ASPM: variants seen among roughly 807,000 people sequenced by gnomAD.
ASPM encodes the protein assembly factor for spindle microtubules.
Under a neutral mutation model 366.4 loss-of-function variants are expected in ASPM, and 256 were observed. That is an observed-to-expected ratio of 0.70 (90% CI 0.63 to 0.77). The LOEUF is 0.77. Among genes scored for constraint, ASPM ranks in the 30% least tolerant of loss-of-function variants. The probability of loss-of-function intolerance (pLI) is 0.00; values close to 1 mark genes in which losing one functional copy is unlikely to be tolerated. For synonymous variants in ASPM, 1,414 were observed against 1,342.9 expected (o/e 1.05, Z -1.16); for missense variants, 4,146 against 4,090.4 (o/e 1.01, Z -0.37).
In ASPM at chr1:197,124,688, A is replaced by AAT. The variant is rs34471103; in HGVS notation, c.3168+180_3168+181dup. Reference sequence around the variant, plus strand: ...GCAGGTGTGGTGAAGATTAGATTGAAATATATATATATATACACATATATA... The same window carrying AAT: ...GCAGGTGTGGTGAAGATTAGATTGAAATATATATATATATATACACATATATA... On this transcript the variant is annotated intron_variant, in intron 12 of 27. Transcript: ENST00000367409. Among the ~76,000 whole-genome samples the AAT allele has an allele frequency of 4.2e-3, 637 of 151,134 alleles. 7 individuals carry two copies. The highest frequency in any genetic ancestry group is 0.013 in the African/African-American group (552 of 41,130).
chr1:197,124,759 A>G, intron 12 of ASPM, 111 bp downstream of exon 12: 1 of 866,704 alleles, frequency 1.2e-6, no homozygotes, highest in Non-Finnish European at 1.9e-6. Flanking sequence ...GGGCAAAATA[A>G]ACCTTATTAA....
At position 197,088,533 on chromosome 1, in the gene ASPM, C is replaced by A. The variant is rs573165143; in HGVS notation, c.9985-101G>T. 1.6e-5 allele frequency: 18 copies of A among 1,153,678 alleles called. No homozygotes were observed. In the African/African-American group the frequency reaches 2.6e-4, roughly 17 times the overall value. 71.5% of individuals were successfully genotyped at this position (1,153,678 alleles called of 1,614,324 possible). A position where few individuals can be genotyped will look rare whatever the true frequency, so the allele number is the denominator to read the frequency against. ...ATACAAAAGTCCATACTTAGTATAGCCAAATTTTTGGACCACCTGCAGCAA... is the reference window on the plus strand; with the variant it reads ...ATACAAAAGTCCATACTTAGTATAGACAAATTTTTGGACCACCTGCAGCAA... On this transcript the variant is annotated intron_variant, in intron 25 of 27. Transcript: ENST00000367409.
At chr1:197,099,269 C>A (rs1657081408) in intron 18 of ASPM, among the ~76,000 whole-genome samples, 1 of 149,956 alleles carries the variant, frequency 6.7e-6, no homozygotes, top group Admixed American at 6.7e-5. Flanking sequence ...TCTTCTCCTG[C>A]TTAAACTCCT....
Position 197,101,573 on chromosome 1 carries a change from T to C in ASPM, c.7678A>G (p.Ile2560Val), listed in dbSNP as rs1162106898. Reference sequence around the variant, plus strand: ...CTATACATTCTGTAGGTGCTTTGTATTACGATAGAAGCTTTGTGTTTTTCC... The same window carrying C: ...CTATACATTCTGTAGGTGCTTTGTACTACGATAGAAGCTTTGTGTTTTTCC... ...LREKHKASIVIQSTYRMYRQY... is the reference protein window; with the variant it reads ...LREKHKASIVVQSTYRMYRQY... The change falls in exon 18 of 28, where the codon ATA becomes GTA. Residue 2560 changes from isoleucine to valine, a missense_variant. By Grantham distance (29) the Ile-to-Val change is conservative. Around this residue, in one of 3 missense-constraint regions of ASPM, gnomAD observed 3,624 missense variants for 3,591.7 expected, o/e 1.01. Transcript: ENST00000367409. 1 of 1,609,590 alleles carries C rather than the reference T, an allele frequency of 6.2e-7. No individual in the cohort carries two copies. The highest frequency in any genetic ancestry group is 8.5e-7 in the Non-Finnish European group (1 of 1,178,956).
At chr1:197,093,609 A>G (rs1423046546) in intron 20 of ASPM, among the ~76,000 whole-genome samples, 5 of 151,856 alleles carry the variant, frequency 3.3e-5, no homozygotes, top group African/African-American at 1.2e-4. Context: ...GTGATCATAA[A>G]TAGCTATGAC....
Position 197,142,628 on chromosome 1 carries a change from G to A in ASPM, c.1624C>T (p.His542Tyr), listed in dbSNP as rs779017532. 3.2e-5 allele frequency: 52 copies of A among 1,611,710 alleles called. No homozygotes were observed. The South Asian group carries it at 5.4e-4, about 17-fold the overall frequency. ...GGATCTATAATTGGAAGATAAGAAT[G>A]AAAATCTTCTTTTTCCTTTTGATTA... ...INNQKEKEDFHSYLPIIDPIL... is the reference protein window; with the variant it reads ...INNQKEKEDFYSYLPIIDPIL... Residue 542 changes from histidine (H) to tyrosine (Y), a missense_variant, in exon 3 of 28, where the codon CAT becomes TAT. Transcript: ENST00000367409.
chr1:197,139,264 TC>T (rs1187787405), intron 4 of ASPM: 1 of 937,736 alleles, frequency 1.1e-6, no homozygotes, highest in African/African-American at 1.7e-5. Context: ...TTACCAACTT[TC>T]ACTTCATCCA....
chr1:197,119,718 G>T (rs1657848274), intron 16 of ASPM, among the ~76,000 whole-genome samples: 1 of 151,950 alleles, frequency 6.6e-6, no homozygotes, highest in South Asian at 2.1e-4. Flanking sequence ...CAAATTCTAG[G>T]ACTTCTTTTG....
chr1:197,124,959 TAAAAG>T lies in ASPM; in HGVS notation c.3083-9_3083-5del. On this transcript the variant is annotated splice_region_variant and splice_polypyrimidine_tract_variant and intron_variant, in intron 11 of 27. Transcript: ENST00000367409. ...TCCTTAGATAGAATTGTATTTCCTA[TAAAAG>T]AAAAGGTTGTCCATTAGCATAATGT... The T allele has an allele frequency of 1.9e-6, 3 of 1,610,296 alleles. No individual in the cohort carries two copies. Among genetic ancestry groups the T allele is most frequent in the Non-Finnish European group, 2.5e-6 (3 of 1,176,534 alleles).
chr1:197,122,612 GA>G lies in ASPM; in HGVS notation c.3391-18del, dbSNP rs771319965. 4.4e-6 allele frequency: 7 copies of G among 1,576,948 alleles called. No individual in the cohort carries two copies. The highest frequency in any genetic ancestry group is 6.1e-6 in the Non-Finnish European group (7 of 1,156,622). On this transcript the variant is annotated intron_variant, in intron 13 of 27. Coordinates refer to ENST00000367409, the MANE Select transcript of ASPM (RefSeq NM_018136.5). The stretch of plus-strand genomic sequence containing the variant: ...ATTCTCCACCTGATTGAAAATGCCA[GA>G]AAAACAATTAACCGCATTTAGAAAG...
chr1:197,088,669 C>T (rs995968739), intron 25 of ASPM, among the ~76,000 whole-genome samples: 2 of 151,970 alleles, frequency 1.3e-5, no homozygotes, highest in African/African-American at 4.8e-5. Context: ...TAAAGTTTCA[C>T]ATAAAATAAA....
chr1:197,101,372 C>T lies in ASPM; in HGVS notation c.7879G>A (p.Ala2627Thr). The T allele has an allele frequency of 6.2e-7, 1 of 1,609,714 alleles. No individual in the cohort carries two copies. The highest frequency in any genetic ancestry group is 8.5e-7 in the Non-Finnish European group (1 of 1,178,946). The change falls in exon 18 of 28, where the codon GCT becomes ACT. Residue 2627 changes from alanine (A) to threonine (T), a missense_variant. Ala to Thr is a moderately conservative substitution (Grantham distance 58). Around this residue, in one of 3 missense-constraint regions of ASPM, gnomAD observed 3,624 missense variants for 3,591.7 expected, o/e 1.01. Coordinates refer to ENST00000367409, the MANE Select transcript of ASPM (RefSeq NM_018136.5). The stretch of plus-strand genomic sequence containing the variant: ...CAATGCTTCTGAATAATAATGGCAG[C>T]CTGGTGCTGTTCCTGAATCTGTTTT... ...IKKQIQEQHQ[A>T]AIIIQKHCKA...
chr1:197,136,928 T>C (rs1658436857), intron 4 of ASPM, among the ~76,000 whole-genome samples: 2 of 152,262 alleles, frequency 1.3e-5, no homozygotes, highest in South Asian at 2.1e-4. Flanking sequence ...TAATATCATG[T>C]TTTATAGCTC....
chr1:197,093,236 T>G lies in ASPM; in HGVS notation c.9110A>C (p.Gln3037Pro). ...TCCTTTATATCCTCTATAATGTGCT[T>G]GGATCAAACAAGCAGCTCGATGTCT... ...IKRHRAACLI[Q>P]AHYRGYKGRQ... The change falls in exon 21 of 28, where the codon CAA (glutamine) becomes CCA (proline). Residue 3037 changes from glutamine (Q) to proline (P), a missense_variant. Physicochemically the swap from Gln to Pro is moderately conservative, Grantham distance 76. This residue lies in a region of ASPM where 3,624 missense variants were observed against 3,591.7 expected (regional missense o/e 1.01). Coordinates refer to ENST00000367409, the MANE Select transcript of ASPM (RefSeq NM_018136.5). 6.2e-7 allele frequency: 1 copy of G among 1,612,290 alleles called. No individual in the cohort carries two copies. The highest frequency in any genetic ancestry group is 8.5e-7 in the Non-Finnish European group (1 of 1,178,826).
At chr1:197,089,842 A>T in intron 25 of ASPM, 88 bp downstream of exon 25, 1 of 1,237,750 alleles carries the variant, frequency 8.1e-7, no homozygotes, top group Non-Finnish European at 1.2e-6. Flanking sequence ...TTAGAGATTT[A>T]AGCCCTAGTG....
intron 18 of ASPM, among the ~76,000 whole-genome samples, chr1:197,096,984 C>G (rs1240784427): frequency 6.6e-6 from 1 of 151,788 alleles, no homozygotes; most frequent in Non-Finnish European, 1.5e-5. Flanking sequence ...GAACCCAAGT[C>G]TATTTGACTC....
At position 197,103,548 on chromosome 1, in the gene ASPM, G is replaced by C. The variant is rs763801767; in HGVS notation, c.5703C>G (p.Ala1901=). The change falls in exon 18 of 28, where the codon GCC becomes GCG. Residue 1901 remains alanine (A), a synonymous_variant. Transcript: ENST00000367409. ...TTCTAAAAGCAGACTGAATCTTCAA[G>C]GCAGCTTGATGTTCCCTTCTAATCT... ...RKQIRREHQA[A]LKIQSAFRMA... The C allele has an allele frequency of 6.2e-7, 1 of 1,613,016 alleles. No individual in the cohort carries two copies. The highest frequency in any genetic ancestry group is 1.3e-5 in the African/African-American group (1 of 74,906).
intron 20 of ASPM, among the ~76,000 whole-genome samples, chr1:197,093,795 A>G (rs1320503895): frequency 6.6e-6 from 1 of 151,840 alleles, no homozygotes. Context: ...GAAACCTTTA[A>G]TTTATAAAAA....
chr1:197,122,619 A>T, intron 13 of ASPM, 24 bp from the exon 14 acceptor site: 1 of 1,553,066 alleles, frequency 6.4e-7, no homozygotes, highest in Non-Finnish European at 8.8e-7. Flanking sequence ...CCAGAAAAAC[A>T]ATTAACCGCA....
Sources: gnomAD v4.1 joint callset for allele counts (sites outside exome capture counted in the v4.1 genomes callset) on GRCh38, gnomAD v4.1.1 for gene constraint, gnomAD v4.1.1 regional missense constraint, MANE v1.5 for transcripts, NCBI Gene and HGNC (gene_info 2026-07-23, HGNC 2026-07-21) for gene names.